AGBL1: variants seen among roughly 807,000 people sequenced by gnomAD.
AGBL1 encodes AGBL carboxypeptidase 1.
Under a neutral mutation model 118.9 loss-of-function variants are expected in AGBL1, and 130 were observed. The observed-to-expected ratio is 1.09, with a 90% CI of 0.95 to 1.26. The LOEUF (loss-of-function observed/expected upper bound fraction) is 1.26. Among genes scored for constraint, AGBL1 ranks in the 50% most tolerant of loss-of-function variants. The pLI is 0.00. For missense variants in AGBL1, 1,584 were observed against 1,298.1 expected (o/e 1.22, Z -3.38); for synonymous variants, 555 against 478.9 (o/e 1.16, Z -2.08).
At chr15:86,087,739 C>T (rs1250830764) in intron 1 of AGBL1, among the ~76,000 whole-genome samples, 3 of 152,178 alleles carry the variant, frequency 2.0e-5, no homozygotes, top group South Asian at 2.1e-4. Context: ...ACAGAGTGAA[C>T]AAGTGGCATA....
chr15:86,907,515 G>A lies in AGBL1; in HGVS notation c.*221G>A, dbSNP rs540829001. 1.3e-5 allele frequency: 2 copies of A among 152,106 alleles called. No individual in the cohort carries two copies. Among genetic ancestry groups the A allele is most frequent in the Non-Finnish European group, 2.9e-5 (2 of 68,032 alleles). 9.4% of individuals were successfully genotyped at this position (152,106 alleles called of 1,614,324 possible). Reference sequence around the variant, plus strand: ...ATATTAGAGTTAGGTAGCCCTTGGGGCCTATGCAAGCTGCTATTGTACTTA... The same window carrying A: ...ATATTAGAGTTAGGTAGCCCTTGGGACCTATGCAAGCTGCTATTGTACTTA... On this transcript the variant is annotated 3_prime_UTR_variant, in exon 23 of 23. Transcript: ENST00000614907.
chr15:86,855,732 C>G, intron 22 of AGBL1, among the ~76,000 whole-genome samples: 1 of 152,176 alleles, frequency 6.6e-6, no homozygotes, highest in East Asian at 1.9e-4. Flanking sequence ...ACACAGATCC[C>G]GTCATCTTCC....
rs185574908 is a variant in AGBL1 at position 86,384,170 on chromosome 15, T to C, written c.2375-13196T>C. On this transcript the variant is annotated intron_variant, in intron 17 of 22. Coordinates refer to ENST00000614907, the MANE Select transcript of AGBL1 (RefSeq NM_001386094.1). ...AAGGAGATTGCTTGAGACTTGGCCA[T>C]GAACAGCCAAACAGAAGTGATCTGG... 2.6e-4 allele frequency among the ~76,000 whole-genome samples: 40 copies of C among 152,242 alleles called. No homozygotes were observed. The East Asian group carries it at 6.8e-3, about 26-fold the overall frequency.
chr15:86,453,786 G>C (rs368209402), intron 18 of AGBL1, among the ~76,000 whole-genome samples: 1 of 152,112 alleles, frequency 6.6e-6, no homozygotes, highest in African/African-American at 2.4e-5. Context: ...TGTAATAAAA[G>C]CACCGACAAA....
At chr15:86,319,899 G>A (rs2080078991) in intron 17 of AGBL1, among the ~76,000 whole-genome samples, 1 of 151,664 alleles carries the variant, frequency 6.6e-6, no homozygotes, top group African/African-American at 2.4e-5. Context: ...TGGGATTACA[G>A]GCACCCGCCA....
At chr15:86,609,643 T>TA (rs1368872079) in intron 21 of AGBL1, among the ~76,000 whole-genome samples, 3 of 152,198 alleles carry the variant, frequency 2.0e-5, no homozygotes, top group Admixed American at 6.5e-5. Flanking sequence ...AACTTCTTGT[T>TA]AAAAAATCCA....
chr15:86,427,015 C>T (rs1298908063), intron 18 of AGBL1, among the ~76,000 whole-genome samples: 1 of 152,152 alleles, frequency 6.6e-6, no homozygotes, highest in Non-Finnish European at 1.5e-5. Context: ...ATCCGCCTGC[C>T]TCGGCCTCCG....
At chr15:86,279,216 G>A (rs1486424545) in intron 15 of AGBL1, among the ~76,000 whole-genome samples, 1 of 152,232 alleles carries the variant, frequency 6.6e-6, no homozygotes, top group East Asian at 1.9e-4. Context: ...AAAGGAAGGA[G>A]TTGAATCCTA....
At chr15:86,768,807 T>G (rs1403162675) in intron 22 of AGBL1, among the ~76,000 whole-genome samples, 1 of 152,006 alleles carries the variant, frequency 6.6e-6, no homozygotes, top group Non-Finnish European at 1.5e-5. Flanking sequence ...GGGCCTCTTA[T>G]ATCATATTAA....
At chr15:86,255,125 G>A (rs2078873984) in intron 7 of AGBL1, among the ~76,000 whole-genome samples, 1 of 152,072 alleles carries the variant, frequency 6.6e-6, no homozygotes, top group African/African-American at 2.4e-5. Flanking sequence ...TGGCTTTTTT[G>A]ACTGAATTCC....
chr15:86,363,215 C>T (rs878913383), intron 17 of AGBL1, among the ~76,000 whole-genome samples: 7 of 152,118 alleles, frequency 4.6e-5, no homozygotes, highest in African/African-American at 1.2e-4. Flanking sequence ...CTTTTGTCTG[C>T]GGGGAATGAT....
In AGBL1 at chr15:86,554,336, C is replaced by T. The variant is rs372516517; in HGVS notation, c.2818-25C>T. On this transcript the variant is annotated intron_variant, in intron 20 of 22. Transcript: ENST00000614907. ...TCCCTAGTCACCCACAACTAATCATCGTTTGATTTTTGTTTTTACTGTAGA... is the reference window on the plus strand; with the variant it reads ...TCCCTAGTCACCCACAACTAATCATTGTTTGATTTTTGTTTTTACTGTAGA... 6.4e-5 allele frequency: 98 copies of T among 1,526,566 alleles called. No individual in the cohort carries two copies. In the African/African-American group the frequency reaches 8.7e-4, roughly 14 times the overall value. 94.6% of individuals were successfully genotyped at this position (1,526,566 alleles called of 1,614,324 possible).
chr15:86,420,380 C>G (rs1011992032), intron 18 of AGBL1, among the ~76,000 whole-genome samples: 1 of 152,132 alleles, frequency 6.6e-6, no homozygotes, highest in African/African-American at 2.4e-5. Flanking sequence ...AGGGGCCTGA[C>G]TGTTAGAAGG....
chr15:86,392,434 A>G (rs1192405495), intron 17 of AGBL1, among the ~76,000 whole-genome samples: 2 of 152,168 alleles, frequency 1.3e-5, no homozygotes, highest in African/African-American at 2.4e-5. Flanking sequence ...CCCTGATGGC[A>G]TTGGATTGTA....
Position 86,407,821 on chromosome 15 carries a change from G to T in AGBL1, c.2555+10275G>T, listed in dbSNP as rs184928609. ...ATCCTTCCAAGCTGGATTTATGATC[G>T]TGGGACTCTTGGATCATGTGGGGGA... On this transcript the variant is annotated intron_variant, in intron 18 of 22. Transcript: ENST00000614907. Among the ~76,000 whole-genome samples the T allele has an allele frequency of 2.0e-5, 3 of 152,230 alleles. No homozygotes were observed. The East Asian group carries it at 5.8e-4, about 29-fold the overall frequency.
chr15:86,988,279 A>G (rs553474917), intron 24 of AGBL1: 1 of 581,168 alleles, frequency 1.7e-6, no homozygotes, highest in Non-Finnish European at 3.0e-6. Context: ...AACGATTTAC[A>G]TTCACACAAA....
chr15:86,724,560 A>G (rs2086790728), intron 22 of AGBL1, among the ~76,000 whole-genome samples: 1 of 152,208 alleles, frequency 6.6e-6, no homozygotes, highest in Non-Finnish European at 1.5e-5. Context: ...GAGAAAGAAT[A>G]GTGACCTGGT....
intron 21 of AGBL1, among the ~76,000 whole-genome samples, chr15:86,565,260 T>A (rs1038813907): frequency 2.0e-5 from 3 of 152,206 alleles, no homozygotes; most frequent in African/African-American, 7.2e-5. Context: ...ATCTTTGTGG[T>A]TTTAACTACC....
At chr15:86,258,180 A>G in intron 9 of AGBL1, 149 bp downstream of exon 9, 2 of 731,148 alleles carry the variant, frequency 2.7e-6, no homozygotes, top group Non-Finnish European at 4.5e-6. Context: ...GCAGTAAATG[A>G]TAGCTACTGT....
Sources: allele counts gnomAD v4.1 joint callset (sites outside exome capture counted in the v4.1 genomes callset), GRCh38; gene constraint gnomAD v4.1.1; transcripts MANE v1.5; gene names NCBI Gene and HGNC (gene_info 2026-07-23, HGNC 2026-07-21).